The following PTGER2 variants were observed in gnomAD, a reference collection of about 807,000 sequenced individuals.
The protein encoded by PTGER2 is prostaglandin E2 receptor EP2 subtype.
Under a neutral mutation model 26.2 loss-of-function variants are expected in PTGER2, and 22 were observed. That is an observed-to-expected ratio of 0.84 (90% CI 0.60 to 1.20). The LOEUF is 1.20. Ranked by LOEUF, PTGER2 falls within the 50% of genes most tolerant of loss-of-function variation. The pLI, the probability that PTGER2 is intolerant of heterozygous loss-of-function variation, is 0.00. For synonymous variants in PTGER2, 219 were observed against 208.9 expected, an observed-to-expected ratio of 1.05 and a Z score of -0.42; for missense variants, 458 against 475.2, an observed-to-expected ratio of 0.96 and a Z score of 0.34.
At chr14:52,316,541 A>G (rs1254942812) in intron 1 of PTGER2, among the ~76,000 whole-genome samples, 1 of 152,176 alleles carries the variant, frequency 6.6e-6, no homozygotes, top group Admixed American at 6.5e-5. Context: ...TCTTGGAGAA[A>G]AGAGATGGGC....
intron 1 of PTGER2, among the ~76,000 whole-genome samples, chr14:52,323,593 A>C (rs2033920223): frequency 6.6e-6 from 1 of 152,214 alleles, no homozygotes; most frequent in African/African-American, 2.4e-5. Flanking sequence ...TGATCGGCCA[A>C]ATAAAGCCCT....
In PTGER2 at chr14:52,314,426, G is replaced by C; in HGVS notation, c.-123G>C. The C allele has an allele frequency of 8.6e-7, 1 of 1,161,192 alleles. No homozygotes were observed. The highest frequency in any genetic ancestry group is 1.1e-6 in the Non-Finnish European group (1 of 900,892). 71.9% of individuals were successfully genotyped at this position (1,161,192 alleles called of 1,614,324 possible). A position where few individuals can be genotyped will look rare whatever the true frequency, so the allele number is the denominator to read the frequency against. ...GTCGGCGCGCTGGGTGCGGGAAGGGGGCTCTGGATTTCGGTCCCTCCCCTT... is the reference window on the plus strand; with the variant it reads ...GTCGGCGCGCTGGGTGCGGGAAGGGCGCTCTGGATTTCGGTCCCTCCCCTT... On this transcript the variant is annotated 5_prime_UTR_variant, in exon 1 of 2. Coordinates refer to ENST00000245457, the MANE Select transcript of PTGER2 (RefSeq NM_000956.4). This position sits in a 1 kb window ranked among gnomAD's most constrained non-coding sequence, Gnocchi z 5.7.
chr14:52,322,392 C>T (rs1296274646), intron 1 of PTGER2, among the ~76,000 whole-genome samples: 3 of 152,032 alleles, frequency 2.0e-5, no homozygotes, highest in Admixed American at 6.6e-5. Context: ...AGGACAAGGG[C>T]AAAATCAGAA....
rs760478844 is a variant in PTGER2, at chr14:52,314,599, G to C, written c.51G>C (p.Gln17His). The change falls in exon 1 of 2, where the codon CAG becomes CAC. Residue 17 changes from glutamine to histidine, a missense_variant. Physicochemically the swap from Gln to His is conservative, Grantham distance 24. Coordinates refer to ENST00000245457, the MANE Select transcript of PTGER2 (RefSeq NM_000956.4). The surrounding 1 kb of genome is among the most constrained non-coding windows in gnomAD (Gnocchi z 5.7). ...DSQSEDCETR[Q>H]WLPPGESPAI... ...AGTCTGAGGACTGCGAGACGCGACA[G>C]TGGCTTCCCCCAGGCGAAAGCCCAG... The C allele has an allele frequency of 1.3e-6, 2 of 1,509,644 alleles. No homozygotes were observed. The highest frequency in any genetic ancestry group is 2.8e-5 in the African/African-American group (2 of 71,494). 93.5% of individuals were successfully genotyped at this position (1,509,644 alleles called of 1,614,324 possible). A position where few individuals can be genotyped will look rare whatever the true frequency, so the allele number is the denominator to read the frequency against.
rs1392096316 is a variant in PTGER2 at position 52,328,317 on chromosome 14, A to G, written c.*863A>G. ...CTGGTTCATTCTTCAGATATACTGG[A>G]ACCCTTTTAAAGTTGATATTGGGGC... is the stretch of plus-strand genomic sequence containing the variant. On this transcript the variant is annotated 3_prime_UTR_variant, in exon 2 of 2. Transcript: ENST00000245457. 4 of 152,672 alleles carry G rather than the reference A, an allele frequency of 2.6e-5. No individual in the cohort carries two copies. The highest frequency in any genetic ancestry group is 5.9e-5 in the Non-Finnish European group (4 of 68,038). 9.5% of individuals were successfully genotyped at this position (152,672 alleles called of 1,614,324 possible). A position where few individuals can be genotyped will look rare whatever the true frequency, so the allele number is the denominator to read the frequency against.
chr14:52,317,260 C>G (rs2033850223), intron 1 of PTGER2, among the ~76,000 whole-genome samples: 1 of 152,174 alleles, frequency 6.6e-6, no homozygotes, highest in Non-Finnish European at 1.5e-5. Flanking sequence ...GGGGTGATAA[C>G]ACACTTGTGA....
At chr14:52,320,610 A>G (rs1357704741) in intron 1 of PTGER2, among the ~76,000 whole-genome samples, 3 of 152,166 alleles carry the variant, frequency 2.0e-5, no homozygotes, top group Admixed American at 6.5e-5. Context: ...TTCATCTGCA[A>G]CTCAGTCTGC....
At chr14:52,320,422 A>T (rs183864393) in intron 1 of PTGER2, among the ~76,000 whole-genome samples, 1 of 152,310 alleles carries the variant, frequency 6.6e-6, no homozygotes, top group Admixed American at 6.5e-5. Flanking sequence ...GCTATCTCAG[A>T]TGGTTTAGAC....
chr14:52,317,587 G>A (rs1013450818), intron 1 of PTGER2, among the ~76,000 whole-genome samples: 1 of 152,224 alleles, frequency 6.6e-6, no homozygotes, highest in Admixed American at 6.5e-5. Flanking sequence ...AAGGTGTTGA[G>A]GGAGTAGGAG....
chr14:52,314,522 G>T lies in PTGER2; in HGVS notation c.-27G>T, dbSNP rs766846065. ...CCCAGGTAAAGGCCGGGAGAGGAGG[G>T]CGCATCTCTTTTCCAGGCACCCCAC... On this transcript the variant is annotated 5_prime_UTR_variant, in exon 1 of 2. Coordinates refer to ENST00000245457, the MANE Select transcript of PTGER2 (RefSeq NM_000956.4). This position sits in a 1 kb window ranked among gnomAD's most constrained non-coding sequence, Gnocchi z 5.7. The T allele has an allele frequency of 5.5e-6, 8 of 1,467,752 alleles. No homozygotes were observed. Among genetic ancestry groups the T allele is most frequent in the Non-Finnish European group, 7.2e-6 (8 of 1,110,690 alleles). 90.9% of individuals were successfully genotyped at this position (1,467,752 alleles called of 1,614,324 possible).
rs566927576 is a variant in PTGER2, at chr14:52,321,837, C to A, written c.844-5384C>A. On this transcript the variant is annotated intron_variant, in intron 1 of 1. Coordinates refer to ENST00000245457, the MANE Select transcript of PTGER2 (RefSeq NM_000956.4). ...TGTTAGCTGCTATCTCTAGGGGATT[C>A]CATTTCAAGGGAAAATCAGATTGTA... is the stretch of plus-strand genomic sequence containing the variant. Among the ~76,000 whole-genome samples the A allele has an allele frequency of 5.3e-5, 8 of 152,306 alleles. No homozygotes were observed. In the East Asian group the frequency reaches 1.5e-3, roughly 29 times the overall value.
At chr14:52,320,187 C>T (rs2033880885) in intron 1 of PTGER2, among the ~76,000 whole-genome samples, 1 of 152,150 alleles carries the variant, frequency 6.6e-6, no homozygotes, top group Non-Finnish European at 1.5e-5. Context: ...GTTTGGGGAT[C>T]GATGAGACAG....
In PTGER2 at chr14:52,315,302, G is replaced by C. The variant is rs764252160; in HGVS notation, c.754G>C (p.Glu252Gln). The change falls in exon 1 of 2, where the codon GAA becomes CAA. Residue 252 changes from glutamate to glutamine, a missense_variant. By Grantham distance (29) the Glu-to-Gln change is conservative. Transcript: ENST00000245457. The stretch of plus-strand genomic sequence containing the variant: ...CGGCCCCGGGGCCCGCAGGAGAGGG[G>C]AAAGGGTGTCCATGGCGGAGGAGAC... Reference protein sequence around the residue: ...RGGPGARRRGERVSMAEETDH... With the variant: ...RGGPGARRRGQRVSMAEETDH... 1.6e-5 allele frequency: 26 copies of C among 1,613,140 alleles called. No homozygotes were observed. The East Asian group carries it at 5.4e-4, about 33-fold the overall frequency.
At position 52,314,466 on chromosome 14, in the gene PTGER2, C is replaced by T; in HGVS notation, c.-83C>T. On this transcript the variant is annotated 5_prime_UTR_variant, in exon 1 of 2. Transcript: ENST00000245457. This position sits in a 1 kb window ranked among gnomAD's most constrained non-coding sequence, Gnocchi z 5.7. ...TCCCTCCCCTTTTTCCTCTGAGTCT[C>T]GGAACGCTCCGGCTCTCAGACCCTC... 1.5e-6 allele frequency: 2 copies of T among 1,323,674 alleles called. No individual in the cohort carries two copies. The highest frequency in any genetic ancestry group is 2.0e-6 in the Non-Finnish European group (2 of 1,022,906). The allele number at this position is 1,323,674 out of a possible 1,614,324, so 82.0% of individuals were successfully genotyped here. A position where few individuals can be genotyped will look rare whatever the true frequency, so the allele number is the denominator to read the frequency against.
At chr14:52,321,450 G>A (rs1203900480) in intron 1 of PTGER2, among the ~76,000 whole-genome samples, 1 of 152,130 alleles carries the variant, frequency 6.6e-6, no homozygotes, top group Admixed American at 6.5e-5. Flanking sequence ...CCATAAACAG[G>A]AACCATGATA....
chr14:52,324,938 A>C (rs970612898), intron 1 of PTGER2, among the ~76,000 whole-genome samples: 15 of 152,224 alleles, frequency 9.9e-5, no homozygotes, highest in Admixed American at 6.5e-5. Flanking sequence ...CAGGAGTTCA[A>C]GACCAGCCTG....
At chr14:52,319,619 C>G (rs1401417418) in intron 1 of PTGER2, among the ~76,000 whole-genome samples, 4 of 152,198 alleles carry the variant, frequency 2.6e-5, no homozygotes, top group Non-Finnish European at 5.9e-5. Flanking sequence ...TGAAATGGAA[C>G]AGAACACAGG....
Position 52,327,489 on chromosome 14 carries a change from T to C in PTGER2, c.*35T>C. 6.9e-7 allele frequency: 1 copy of C among 1,449,008 alleles called. No individual in the cohort carries two copies. The highest frequency in any genetic ancestry group is 1.4e-5 in the African/African-American group (1 of 70,198). The allele number at this position is 1,449,008 out of a possible 1,614,324, so 89.8% of individuals were successfully genotyped here. On this transcript the variant is annotated 3_prime_UTR_variant, in exon 2 of 2. Coordinates refer to ENST00000245457, the MANE Select transcript of PTGER2 (RefSeq NM_000956.4). Reference sequence around the variant, plus strand: ...TTTAAAAGTTCTTAGTTATATAGCATCTGGAAGATCATTTTGAAATTGTTC... The same window carrying C: ...TTTAAAAGTTCTTAGTTATATAGCACCTGGAAGATCATTTTGAAATTGTTC...
intron 1 of PTGER2, among the ~76,000 whole-genome samples, chr14:52,326,221 T>C (rs2033949243): frequency 6.6e-6 from 1 of 152,230 alleles, no homozygotes; most frequent in Admixed American, 6.5e-5. Context: ...AGCTTTCCAG[T>C]GTTCAGGACA....
Sources: gnomAD v4.1 joint callset for allele counts (sites outside exome capture counted in the v4.1 genomes callset) on GRCh38, gnomAD v4.1.1 for gene constraint, Gnocchi (gnomAD v3.1) non-coding constraint, MANE v1.5 for transcripts, NCBI Gene and HGNC (gene_info 2026-07-23, HGNC 2026-07-21) for gene names.